Variants in LDB2 observed in about 807,000 individuals in gnomAD.
The protein encoded by LDB2 is LIM domain binding 2.
Under a neutral mutation model 44.3 loss-of-function variants are expected in LDB2, and 12 were observed. The observed-to-expected ratio is 0.27, with a 90% CI of 0.17 to 0.44. The LOEUF (loss-of-function observed/expected upper bound fraction) is 0.44, where lower values mean the gene tolerates loss of function less well. Ranked by LOEUF, LDB2 falls within the 20% of genes least tolerant of loss-of-function variation. The pLI is 1.00. For synonymous variants in LDB2, 164 were observed against 174.8 expected, an observed-to-expected ratio of 0.94 and a Z score of 0.49; for missense variants, 344 against 473.5, an observed-to-expected ratio of 0.73 and a Z score of 2.54.
At chr4:16,620,788 C>G (rs1728660685) in intron 2 of LDB2, among the ~76,000 whole-genome samples, 1 of 152,184 alleles carries the variant, frequency 6.6e-6, no homozygotes. Context: ...TGACCAAGTG[C>G]TGGTGACTGG....
At chr4:16,630,881 G>C (rs1731734804) in intron 2 of LDB2, among the ~76,000 whole-genome samples, 1 of 152,182 alleles carries the variant, frequency 6.6e-6, no homozygotes, top group Non-Finnish European at 1.5e-5. Flanking sequence ...TCAACAAAAA[G>C]AGCTAACTAT....
intron 2 of LDB2, among the ~76,000 whole-genome samples, chr4:16,668,536 T>C (rs917170704): frequency 9.9e-5 from 15 of 152,232 alleles, no homozygotes; most frequent in Non-Finnish European, 4.4e-5. Flanking sequence ...TGAAGGCCAC[T>C]ACACTTTGGT....
rs116072654 is a variant in LDB2, at chr4:16,538,230, C to T, written c.616-26126G>A. ...GGACCAAAGGCCCAGAGCAGAACAA[C>T]AAGCCCTGTTTTGCTTCCTCCTGGC... is the stretch of plus-strand genomic sequence containing the variant. On this transcript the variant is annotated intron_variant, in intron 5 of 7. Coordinates refer to ENST00000304523, the MANE Select transcript of LDB2 (RefSeq NM_001290.5). Among the ~76,000 whole-genome samples the T allele has an allele frequency of 3.3e-5, 5 of 152,330 alleles. 1 individual carries two copies. In the East Asian group the frequency reaches 5.8e-4, roughly 18 times the overall value.
At chr4:16,594,183 A>AG (rs369667359) in intron 3 of LDB2, among the ~76,000 whole-genome samples, 1 of 152,066 alleles carries the variant, frequency 6.6e-6, no homozygotes, top group Non-Finnish European at 1.5e-5. Context: ...GAAAAAAAAA[A>AG]CCAATAATGA....
At chr4:16,891,610 C>T (rs1358189514) in intron 1 of LDB2, among the ~76,000 whole-genome samples, 1 of 152,110 alleles carries the variant, frequency 6.6e-6, no homozygotes, top group Non-Finnish European at 1.5e-5. Flanking sequence ...CGTGCCCGAA[C>T]TTAAGTATTC....
chr4:16,706,977 G>A (rs1186763117), intron 2 of LDB2, among the ~76,000 whole-genome samples: 3 of 152,100 alleles, frequency 2.0e-5, no homozygotes, highest in African/African-American at 7.2e-5. Flanking sequence ...GATCTCTCCA[G>A]GCAAATGATT....
At chr4:16,567,004 GA>G (rs1577803117) in intron 5 of LDB2, among the ~76,000 whole-genome samples, 1 of 152,158 alleles carries the variant, frequency 6.6e-6, no homozygotes, top group South Asian at 2.1e-4. Context: ...TGAAAAGTGG[GA>G]AAATAGTCAT....
At chr4:16,706,111 T>C (rs1754547214) in intron 2 of LDB2, among the ~76,000 whole-genome samples, 1 of 152,198 alleles carries the variant, frequency 6.6e-6, no homozygotes, top group African/African-American at 2.4e-5. Flanking sequence ...ATTCTTGTGT[T>C]CCTTTATTTA....
At chr4:16,592,499 T>TAC (rs1719435237) in intron 3 of LDB2, among the ~76,000 whole-genome samples, 1 of 136,802 alleles carries the variant, frequency 7.3e-6, no homozygotes, top group African/African-American at 2.8e-5. Flanking sequence ...TATATATATA[T>TAC]ATATATACAC....
At chr4:16,749,084 A>G (rs1764931966) in intron 2 of LDB2, among the ~76,000 whole-genome samples, 1 of 152,226 alleles carries the variant, frequency 6.6e-6, no homozygotes, top group South Asian at 2.1e-4. Context: ...GATGCATTCA[A>G]TAAGATTCAA....
chr4:16,576,404 T>A (rs1328803162), intron 5 of LDB2, among the ~76,000 whole-genome samples: 2 of 151,438 alleles, frequency 1.3e-5, no homozygotes, highest in African/African-American at 2.4e-5. Context: ...AAAGGAGACA[T>A]TACAACTAAT....
chr4:16,556,409 T>G (rs1046948642), intron 5 of LDB2, among the ~76,000 whole-genome samples: 7 of 152,210 alleles, frequency 4.6e-5, no homozygotes, highest in Non-Finnish European at 7.3e-5. Context: ...TACATCTTCC[T>G]TTTTAGAACC....
intron 2 of LDB2, among the ~76,000 whole-genome samples, chr4:16,632,826 T>G (rs1305771281): frequency 6.6e-6 from 1 of 152,184 alleles, no homozygotes; most frequent in Non-Finnish European, 1.5e-5. Flanking sequence ...GGAACACTTT[T>G]ACACTGTTGG....
At chr4:16,683,363 G>A (rs1313410205) in intron 2 of LDB2, among the ~76,000 whole-genome samples, 1 of 152,130 alleles carries the variant, frequency 6.6e-6, no homozygotes, top group Non-Finnish European at 1.5e-5. Flanking sequence ...ATACCATGGT[G>A]AAATTTTTAA....
At chr4:16,700,572 A>G (rs980203699) in intron 2 of LDB2, among the ~76,000 whole-genome samples, 1 of 152,154 alleles carries the variant, frequency 6.6e-6, no homozygotes, top group Non-Finnish European at 1.5e-5. Context: ...GGCACTTCAT[A>G]TTCAATCACA....
intron 2 of LDB2, among the ~76,000 whole-genome samples, chr4:16,639,713 G>A (rs1297312681): frequency 6.6e-6 from 1 of 152,202 alleles, no homozygotes; most frequent in Non-Finnish European, 1.5e-5. Context: ...GCCCACCTCA[G>A]CCTCCCAAAG....
chr4:16,750,547 A>G (rs942565453), intron 2 of LDB2, among the ~76,000 whole-genome samples: 2 of 151,818 alleles, frequency 1.3e-5, no homozygotes, highest in African/African-American at 2.4e-5. Context: ...AGACTTATGA[A>G]TAAGAAGTCC....
At position 16,502,163 on chromosome 4, in the gene LDB2, G is replaced by GTCTT. The variant is rs1448182917; in HGVS notation, c.*476_*479dup. 1.3e-5 allele frequency: 2 copies of GTCTT among 153,978 alleles called. No individual in the cohort carries two copies. Among genetic ancestry groups the GTCTT allele is most frequent in the African/African-American group, 2.4e-5 (1 of 41,340 alleles). The allele number at this position is 153,978 out of a possible 1,614,324, so 9.5% of individuals were successfully genotyped here. ...ATTACTTTCCAAAGCTGATTTTTTT[G>GTCTT]TCTTTTCTTTTTTTACTGAAACAAG... On this transcript the variant is annotated 3_prime_UTR_variant, in exon 8 of 8. Coordinates refer to ENST00000304523, the MANE Select transcript of LDB2 (RefSeq NM_001290.5).
chr4:16,749,137 T>C (rs1053789437), intron 2 of LDB2, among the ~76,000 whole-genome samples: 1 of 152,148 alleles, frequency 6.6e-6, no homozygotes, highest in Non-Finnish European at 1.5e-5. Flanking sequence ...TTCTGTAAAA[T>C]TTGATGCTAT....
Sources: gnomAD v4.1 joint callset for allele counts (sites outside exome capture counted in the v4.1 genomes callset) on GRCh38, gnomAD v4.1.1 for gene constraint, MANE v1.5 for transcripts, NCBI Gene and HGNC (gene_info 2026-07-23, HGNC 2026-07-21) for gene names.